The following ATP5MJ variants were observed in gnomAD, a reference collection of about 807,000 sequenced individuals.
The protein encoded by ATP5MJ is ATP synthase membrane subunit j, also known as ATP synthase F(0) complex subunit j, mitochondrial.
Under a neutral mutation model 8.3 loss-of-function variants are expected in ATP5MJ, and 4 were observed. The observed-to-expected ratio is 0.48, with a 90% CI of 0.24 to 1.11. The LOEUF (loss-of-function observed/expected upper bound fraction) is 1.11. Ranked by LOEUF, ATP5MJ falls within the 50% of genes least tolerant of loss-of-function variation. The probability of loss-of-function intolerance (pLI) is 0.18; values close to 1 mark genes in which losing one functional copy is unlikely to be tolerated. For missense variants in ATP5MJ, 66 were observed against 71.8 expected (o/e 0.92, Z 0.29); for synonymous variants, 23 against 21.3 (o/e 1.08, Z -0.23).
chr14:103,919,586 G>C (rs1437122640), intron 1 of ATP5MJ, among the ~76,000 whole-genome samples: 2 of 152,076 alleles, frequency 1.3e-5, no homozygotes, highest in Non-Finnish European at 2.9e-5. Context: ...AAAGGGCAAA[G>C]TAAACTGGGA....
intron 1 of ATP5MJ, among the ~76,000 whole-genome samples, chr14:103,915,733 C>A (rs1272341213): frequency 6.6e-6 from 1 of 151,398 alleles, no homozygotes; most frequent in Non-Finnish European, 1.5e-5. Flanking sequence ...AAGTGATCTG[C>A]CCACCTTGGC....
intron 1 of ATP5MJ, among the ~76,000 whole-genome samples, chr14:103,916,127 T>C (rs17101930): frequency 0.023 from 3,516 of 152,262 alleles, 75 homozygotes; most frequent in East Asian, 0.06. Context: ...ACAGATGACA[T>C]AAGACAACGA....
chr14:103,918,976 T>G (rs904757650), intron 1 of ATP5MJ, among the ~76,000 whole-genome samples: 3 of 140,606 alleles, frequency 2.1e-5, no homozygotes, highest in Non-Finnish European at 4.7e-5. Flanking sequence ...GAGCCAAGAT[T>G]GCACCACTGC....
intron 2 of ATP5MJ, chr14:103,914,716 A>G (rs111753741): frequency 1.8e-6 from 1 of 548,980 alleles, no homozygotes; most frequent in African/African-American, 1.9e-5. Flanking sequence ...GGTCCTAGCT[A>G]CTTGGCAGGC....
intron 1 of ATP5MJ, 103 bp from the exon 2 acceptor site, chr14:103,915,292 CT>C (rs1287782292): frequency 1.5e-6 from 2 of 1,347,010 alleles, no homozygotes; most frequent in African/African-American, 2.9e-5. Flanking sequence ...CCCATGACTG[CT>C]AGGGAGCCTC....
intron 1 of ATP5MJ, chr14:103,921,123 G>A: frequency 1.6e-6 from 2 of 1,281,234 alleles, no homozygotes; most frequent in Non-Finnish European, 2.2e-6. Flanking sequence ...TGTGGAGTCA[G>A]AGTTCTTGGC....
chr14:103,914,341 TACAA>T (rs1360388168), intron 2 of ATP5MJ: 1 of 536,910 alleles, frequency 1.9e-6, no homozygotes, highest in Non-Finnish European at 3.3e-6. Flanking sequence ...CAAATTTTTT[TACAA>T]ACAAATTTCA....
chr14:103,913,343 A>G (rs557132355), intron 3 of ATP5MJ: 1 of 153,350 alleles, frequency 6.5e-6, no homozygotes, highest in Non-Finnish European at 1.4e-5. Context: ...CCCAAAAAAC[A>G]AAACCAAACC....
intron 1 of ATP5MJ, among the ~76,000 whole-genome samples, chr14:103,915,567 G>A (rs768974338): frequency 2.6e-5 from 4 of 151,932 alleles, no homozygotes; most frequent in Non-Finnish European, 4.4e-5. Context: ...GGCTGGTCTC[G>A]AACTCCTGAG....
At position 103,914,849 on chromosome 14, in the gene ATP5MJ, A is replaced by AAAG. The variant is rs1555454102; in HGVS notation, c.124+216_124+217insCTT. The AAAG allele has an allele frequency of 6.4e-4, 232 of 365,082 alleles. 5 individuals are homozygous for AAAG. The South Asian group carries it at 9.8e-3, about 15-fold the overall frequency. The allele number at this position is 365,082 out of a possible 1,614,324, so 22.6% of individuals were successfully genotyped here. ...GAGAGACTGTCTCCAAAAAAAAAAA[A>AAAG]AAAAAAAAGAAAAGAAAAGAAAAAA... On this transcript the variant is annotated intron_variant, in intron 2 of 3. Coordinates refer to ENST00000286953, the MANE Select transcript of ATP5MJ (RefSeq NM_004894.3).
At chr14:103,913,744 G>A in intron 3 of ATP5MJ, 3 of 600,800 alleles carry the variant, frequency 5.0e-6, no homozygotes, top group Non-Finnish European at 5.9e-6. Context: ...ATTACTCCTG[G>A]AAGTTTTACT....
chr14:103,915,102 G>T lies in ATP5MJ; in HGVS notation c.88C>A (p.Leu30Met). The change falls in exon 2 of 4, where the codon CTG (leucine) becomes ATG (methionine). Residue 30 changes from leucine to methionine, a missense_variant. By Grantham distance (15) the Leu-to-Met change is conservative. Coordinates refer to ENST00000286953, the MANE Select transcript of ATP5MJ (RefSeq NM_004894.3). ...ATTTTATAAACGATGAAGCCCATCA[G>T]CCCCATTCCTATCCAAATCTCCTGG... The part of the protein sequence containing the change: ...VYQEIWIGMG[L>M]MGFIVYKIRA... The T allele has an allele frequency of 6.2e-7, 1 of 1,614,088 alleles. No homozygotes were observed. Among genetic ancestry groups the T allele is most frequent in the Non-Finnish European group, 8.5e-7 (1 of 1,180,014 alleles).
At chr14:103,914,999 A>T in intron 2 of ATP5MJ, 67 bp downstream of exon 2, 1 of 1,600,464 alleles carries the variant, frequency 6.2e-7, no homozygotes, top group African/African-American at 1.3e-5. Flanking sequence ...TTACAATGTG[A>T]ATTGTGATTC....
Position 103,912,601 on chromosome 14 carries a change from C to T in ATP5MJ, c.*65G>A, listed in dbSNP as rs2087588961. 1 of 1,541,078 alleles carries T rather than the reference C, an allele frequency of 6.5e-7. No homozygotes were observed. Among genetic ancestry groups the T allele is most frequent in the Non-Finnish European group, 9.0e-7 (1 of 1,115,628 alleles). ...GTGACGTTCCACGCTCCCCATCTAA[C>T]ACGGCTTGCTGAAATTTACAGGCAG... On this transcript the variant is annotated 3_prime_UTR_variant, in exon 4 of 4. Coordinates refer to ENST00000286953, the MANE Select transcript of ATP5MJ (RefSeq NM_004894.3).
In ATP5MJ at chr14:103,913,634, C is replaced by T. The variant is rs1273016292; in HGVS notation, c.148+327G>A. The stretch of plus-strand genomic sequence containing the variant: ...TCAAAAAACAATAAACAAAATAAAA[C>T]GACATCATTAGGGAACTTCTAGGAC... On this transcript the variant is annotated intron_variant, in intron 3 of 3. Transcript: ENST00000286953. 7 of 428,840 alleles carry T rather than the reference C, an allele frequency of 1.6e-5. No individual in the cohort carries two copies. The East Asian group carries it at 2.1e-4, about 13-fold the overall frequency. 26.6% of individuals were successfully genotyped at this position (428,840 alleles called of 1,614,324 possible).
At chr14:103,915,296 G>A (rs2087616353) in intron 1 of ATP5MJ, 107 bp from the exon 2 acceptor site, 1 of 1,321,658 alleles carries the variant, frequency 7.6e-7, no homozygotes, top group South Asian at 1.3e-5. Flanking sequence ...TGACTGCTAG[G>A]GAGCCTCGCC....
intron 3 of ATP5MJ, chr14:103,912,985 G>A (rs1359580311): frequency 5.1e-6 from 2 of 389,382 alleles, no homozygotes; most frequent in Non-Finnish European, 9.3e-6. Flanking sequence ...ACATTCAAAT[G>A]GCTACAGTTT....
chr14:103,914,858 G>GAAAAAAAAAA lies in ATP5MJ; in HGVS notation c.124+207_124+208insTTTTTTTTTT, dbSNP rs1314714313. ...TCTCCAAAAAAAAAAAAAAAAAAAA[G>GAAAAAAAAAA]AAAAGAAAAGAAAAAAAAAATTCCC... On this transcript the variant is annotated intron_variant, in intron 2 of 3. Transcript: ENST00000286953. The GAAAAAAAAAA allele has an allele frequency of 2.9e-3, 962 of 328,414 alleles. 3 individuals carry two copies. Among genetic ancestry groups the GAAAAAAAAAA allele is most frequent in the Middle Eastern group, 7.3e-3 (8 of 1,094 alleles). The allele number at this position is 328,414 out of a possible 1,614,324, so 20.3% of individuals were successfully genotyped here. A position where few individuals can be genotyped will look rare whatever the true frequency, so the allele number is the denominator to read the frequency against.
At chr14:103,920,977 C>T in intron 1 of ATP5MJ, 1 of 1,551,662 alleles carries the variant, frequency 6.4e-7, no homozygotes. Flanking sequence ...CCCGCGAGTT[C>T]CATACAATTT....
Sources: allele counts gnomAD v4.1 joint callset (sites outside exome capture counted in the v4.1 genomes callset), GRCh38; gene constraint gnomAD v4.1.1; transcripts MANE v1.5; gene names NCBI Gene and HGNC (gene_info 2026-07-23, HGNC 2026-07-21).